Variants in SLC7A14 observed in about 807,000 individuals in gnomAD.
SLC7A14 encodes the protein gamma-aminobutyric acid transporter SLC7A14.
A neutral mutation model predicts 60.2 loss-of-function variants in SLC7A14; 37 were observed. The ratio of observed to expected loss-of-function variants is 0.61; its 90% CI spans 0.47 to 0.81. The LOEUF (loss-of-function observed/expected upper bound fraction) is 0.81. Ranked by LOEUF, SLC7A14 falls within the 30% of genes least tolerant of loss-of-function variation. The pLI, the probability that SLC7A14 is intolerant of heterozygous loss-of-function variation, is 0.00. For missense variants in SLC7A14, 886 were observed against 982.7 expected (o/e 0.90, Z 1.32); for synonymous variants, 399 against 395.8 (o/e 1.01, Z -0.10).
chr3:170,576,111 A>G (rs541803383), intron 1 of SLC7A14, among the ~76,000 whole-genome samples: 1 of 152,234 alleles, frequency 6.6e-6, no homozygotes, highest in African/African-American at 2.4e-5. Flanking sequence ...CTGTTCAATT[A>G]TAATTTCCTC....
intron 7 of SLC7A14, among the ~76,000 whole-genome samples, chr3:170,473,259 G>A (rs1247239564): frequency 6.6e-6 from 1 of 152,216 alleles, no homozygotes; most frequent in Admixed American, 6.5e-5. Flanking sequence ...GTGGGAAAGG[G>A]AGGTCTTGAT....
chr3:170,496,304 G>T, intron 4 of SLC7A14: 2 of 1,014,676 alleles, frequency 2.0e-6, no homozygotes, highest in South Asian at 1.3e-5. Flanking sequence ...AGCTGCAGAC[G>T]CTGGCTGGCA....
Position 170,533,678 on chromosome 3 carries a change from T to G in SLC7A14, c.-152-6590A>C, listed in dbSNP as rs550486163. 6.8e-3 allele frequency among the ~76,000 whole-genome samples: 1,007 copies of G among 147,490 alleles called. 8 individuals carry two copies. Among genetic ancestry groups the G allele is most frequent in the Middle Eastern group, 0.036 (10 of 280 alleles). On this transcript the variant is annotated intron_variant, in intron 1 of 7. Coordinates refer to ENST00000231706, the MANE Select transcript of SLC7A14 (RefSeq NM_020949.3). ...GTGTGTGTGTGTGTGTGTGTGTGTG[T>G]GGTGTGTGTGTGTGCACGCACACAC...
At position 170,464,300 on chromosome 3, in the gene SLC7A14, T is replaced by C. The variant is rs1467349201; in HGVS notation, c.*2755A>G. The stretch of plus-strand genomic sequence containing the variant: ...TCGGAGAGCTTTTGCTATTCAGAAT[T>C]CAATAAAATGTAGGTCTTCCTTGGA... On this transcript the variant is annotated 3_prime_UTR_variant, in exon 8 of 8. Coordinates refer to ENST00000231706, the MANE Select transcript of SLC7A14 (RefSeq NM_020949.3). 6.6e-6 allele frequency: 1 copy of C among 152,196 alleles called. No individual in the cohort carries two copies. Among genetic ancestry groups the C allele is most frequent in the Admixed American group, 6.5e-5 (1 of 15,272 alleles). 9.4% of individuals were successfully genotyped at this position (152,196 alleles called of 1,614,324 possible).
chr3:170,466,884 A>AC lies in SLC7A14; in HGVS notation c.*170dup. ...TAGGGGACCCAGGTTAAGCCCTTCAACAGAACTATCCTGAAGAGCAAAAGT... is the reference window on the plus strand; with the variant it reads ...TAGGGGACCCAGGTTAAGCCCTTCAACCAGAACTATCCTGAAGAGCAAAAGT... On this transcript the variant is annotated 3_prime_UTR_variant, in exon 8 of 8. Transcript: ENST00000231706. The AC allele has an allele frequency of 3.3e-6, 2 of 606,884 alleles. No homozygotes were observed. The allele number at this position is 606,884 out of a possible 1,614,324, so 37.6% of individuals were successfully genotyped here. A position where few individuals can be genotyped will look rare whatever the true frequency, so the allele number is the denominator to read the frequency against.
intron 1 of SLC7A14, among the ~76,000 whole-genome samples, chr3:170,534,433 A>G (rs1713775659): frequency 6.6e-6 from 1 of 152,166 alleles, no homozygotes. Flanking sequence ...TCCTCCTCCC[A>G]TTGAAGGCAG....
At chr3:170,477,147 C>T (rs926119831) in intron 7 of SLC7A14, among the ~76,000 whole-genome samples, 65 of 152,312 alleles carry the variant, frequency 4.3e-4, no homozygotes, top group African/African-American at 1.6e-3. Context: ...CAGAGGCACC[C>T]TGGTGGGGTA....
intron 2 of SLC7A14, among the ~76,000 whole-genome samples, chr3:170,509,430 T>A (rs746583783): frequency 6.6e-5 from 10 of 152,092 alleles, no homozygotes; most frequent in Non-Finnish European, 1.3e-4. Flanking sequence ...TATCAACATA[T>A]AAACAGGTAG....
intron 2 of SLC7A14, among the ~76,000 whole-genome samples, chr3:170,507,077 G>T (rs527956450): frequency 6.6e-6 from 1 of 152,272 alleles, no homozygotes; most frequent in Admixed American, 6.5e-5. Context: ...AAATCTAGGG[G>T]TTATTCACAC....
intron 1 of SLC7A14, among the ~76,000 whole-genome samples, chr3:170,534,997 C>T (rs1713795534): frequency 6.6e-6 from 1 of 152,306 alleles, no homozygotes; most frequent in African/African-American, 2.4e-5. Context: ...GGTTACTGAG[C>T]GTTGAGACAC....
Position 170,531,107 on chromosome 3 carries a change from T to C in SLC7A14, c.-152-4019A>G, listed in dbSNP as rs558156718. On this transcript the variant is annotated intron_variant, in intron 1 of 7. Transcript: ENST00000231706. ...AGTATGGCCTATATACAGGGGTTCT[T>C]TAAATGCCCCAGCTTATGCTAGCAC... Among the ~76,000 whole-genome samples, 3 of 152,288 alleles carry C rather than the reference T, an allele frequency of 2.0e-5. No individual in the cohort carries two copies. In the East Asian group the frequency reaches 5.8e-4, roughly 29 times the overall value.
intron 1 of SLC7A14, among the ~76,000 whole-genome samples, chr3:170,540,951 G>C (rs538194455): frequency 1.8e-4 from 28 of 152,170 alleles, no homozygotes; most frequent in Middle Eastern, 3.4e-3. Context: ...AAATATATCA[G>C]TTATCACTAA....
At chr3:170,496,865 C>A (rs1712415287) in intron 4 of SLC7A14, among the ~76,000 whole-genome samples, 1 of 152,136 alleles carries the variant, frequency 6.6e-6, no homozygotes, top group African/African-American at 2.4e-5. Context: ...TCCGAGTCCT[C>A]TGACGTCCTG....
intron 1 of SLC7A14, among the ~76,000 whole-genome samples, chr3:170,584,098 A>G (rs1178401234): frequency 6.6e-6 from 1 of 152,186 alleles, no homozygotes. Context: ...GTTGGCAGCT[A>G]TTGTGAAGTT....
At chr3:170,485,546 T>C (rs1220576082) in intron 5 of SLC7A14, among the ~76,000 whole-genome samples, 2 of 152,086 alleles carry the variant, frequency 1.3e-5, no homozygotes, top group Non-Finnish European at 2.9e-5. Context: ...GGGCTATTTC[T>C]GTGATAGAAA....
At chr3:170,468,357 GC>G (rs1382689069) in intron 7 of SLC7A14, among the ~76,000 whole-genome samples, 1 of 151,896 alleles carries the variant, frequency 6.6e-6, no homozygotes, top group Non-Finnish European at 1.5e-5. Flanking sequence ...GAGTGCAGTG[GC>G]ATGATCTCGG....
intron 2 of SLC7A14, among the ~76,000 whole-genome samples, chr3:170,521,183 G>A (rs183598879): frequency 7.2e-4 from 109 of 152,344 alleles, no homozygotes; most frequent in Middle Eastern, 3.4e-3. Flanking sequence ...CAATTATAAC[G>A]TTGGGGCAGG....
chr3:170,531,821 TA>T (rs1403507806), intron 1 of SLC7A14, among the ~76,000 whole-genome samples: 5 of 152,194 alleles, frequency 3.3e-5, no homozygotes, highest in African/African-American at 1.2e-4. Context: ...AAGGAAGGCT[TA>T]CAGGGCCTCT....
chr3:170,557,965 C>T (rs542523760), intron 1 of SLC7A14, among the ~76,000 whole-genome samples: 6 of 152,182 alleles, frequency 3.9e-5, no homozygotes, highest in Admixed American at 1.3e-4. Flanking sequence ...CTGATTGGTC[C>T]TGATTATCAA....
Sources: gnomAD v4.1 joint callset for allele counts (sites outside exome capture counted in the v4.1 genomes callset) on GRCh38, gnomAD v4.1.1 for gene constraint, MANE v1.5 for transcripts, NCBI Gene and HGNC (gene_info 2026-07-23, HGNC 2026-07-21) for gene names.